RALGAPA2: variants seen among roughly 807,000 people sequenced by gnomAD.
RALGAPA2 encodes the protein Ral GTPase activating protein catalytic subunit alpha 2, also known as ral GTPase-activating protein subunit alpha-2.
RALGAPA2 carries 139 observed loss-of-function variants against 230.4 expected under a neutral mutation model. The ratio of observed to expected loss-of-function variants is 0.60; its 90% CI spans 0.53 to 0.69. The LOEUF (loss-of-function observed/expected upper bound fraction) is 0.69. Ranked by LOEUF, RALGAPA2 falls within the 30% of genes least tolerant of loss-of-function variation. The pLI is 0.00. For synonymous variants in RALGAPA2, 847 were observed against 837.8 expected, an observed-to-expected ratio of 1.01 and a Z score of -0.19; for missense variants, 2,163 against 2,276.0, an observed-to-expected ratio of 0.95 and a Z score of 1.01.
intron 37 of RALGAPA2, among the ~76,000 whole-genome samples, chr20:20,432,016 G>C (rs2060512792): frequency 6.6e-6 from 1 of 152,150 alleles, no homozygotes; most frequent in South Asian, 2.1e-4. Flanking sequence ...CAGTTAACTT[G>C]TAACTAATAA....
chr20:20,646,057 T>C (rs1355224204), intron 4 of RALGAPA2, among the ~76,000 whole-genome samples: 1 of 148,934 alleles, frequency 6.7e-6, no homozygotes, highest in Admixed American at 6.7e-5. Flanking sequence ...CTGTAGGGCT[T>C]TTTTTTTTTC....
At chr20:20,601,584 T>C in intron 16 of RALGAPA2, 98 bp downstream of exon 16, 2 of 1,195,858 alleles carry the variant, frequency 1.7e-6, no homozygotes, top group South Asian at 1.6e-5. Context: ...TAAGGTCTAA[T>C]ATTTAAATTT....
intron 37 of RALGAPA2, among the ~76,000 whole-genome samples, chr20:20,425,223 AC>A (rs2060356841): frequency 2.0e-5 from 3 of 152,208 alleles, no homozygotes. Context: ...CTTAATTGTT[AC>A]CTATAAACAA....
intron 4 of RALGAPA2, among the ~76,000 whole-genome samples, chr20:20,646,873 T>C: frequency 6.8e-6 from 1 of 147,750 alleles, no homozygotes; most frequent in Non-Finnish European, 1.5e-5. Context: ...AGGGTATACT[T>C]CTGTATGTGT....
chr20:20,703,874 A>G (rs550091532), intron 1 of RALGAPA2, among the ~76,000 whole-genome samples: 1 of 152,270 alleles, frequency 6.6e-6, no homozygotes, highest in Admixed American at 6.5e-5. Context: ...GGCACACAAC[A>G]TCTGTGCTAC....
intron 1 of RALGAPA2, among the ~76,000 whole-genome samples, chr20:20,691,609 A>T (rs6046992): frequency 0.076 from 11,566 of 152,152 alleles, 597 homozygotes; most frequent in East Asian, 0.16. Context: ...TCCCCGACAC[A>T]GTGCTAAGGA....
At chr20:20,491,945 T>C (rs1382170494) in intron 36 of RALGAPA2, among the ~76,000 whole-genome samples, 2 of 152,144 alleles carry the variant, frequency 1.3e-5, no homozygotes, top group South Asian at 2.1e-4. Context: ...TTCTTCAACA[T>C]ACCATTTCAC....
At chr20:20,543,764 A>C (rs1429238889) in intron 24 of RALGAPA2, among the ~76,000 whole-genome samples, 5 of 152,152 alleles carry the variant, frequency 3.3e-5, no homozygotes, top group Admixed American at 3.3e-4. Context: ...TAGCATTAGG[A>C]GATATATCTA....
intron 31 of RALGAPA2, among the ~76,000 whole-genome samples, 168 bp downstream of exon 31, chr20:20,520,749 G>A (rs1390195950): frequency 6.6e-6 from 1 of 151,844 alleles, no homozygotes; most frequent in Non-Finnish European, 1.5e-5. Context: ...GAAAACAGAG[G>A]AGAAAAAAAG....
At chr20:20,464,833 T>G (rs1361270540) in intron 37 of RALGAPA2, among the ~76,000 whole-genome samples, 1 of 152,170 alleles carries the variant, frequency 6.6e-6, no homozygotes, top group Non-Finnish European at 1.5e-5. Context: ...AACCAATTTT[T>G]CGGTAAAAAT....
intron 13 of RALGAPA2, among the ~76,000 whole-genome samples, chr20:20,615,484 GA>G (rs961560738): frequency 2.7e-5 from 4 of 149,398 alleles, no homozygotes; most frequent in Non-Finnish European, 5.9e-5. Context: ...ATAAGAGCAG[GA>G]AAAAAAAATC....
chr20:20,443,125 G>A (rs376656208), intron 37 of RALGAPA2, among the ~76,000 whole-genome samples: 7 of 152,294 alleles, frequency 4.6e-5, no homozygotes, highest in South Asian at 2.1e-4. Context: ...TAATATCCAC[G>A]TTTTCCTTAA....
chr20:20,621,205 A>G (rs1036935996), intron 10 of RALGAPA2, among the ~76,000 whole-genome samples: 1 of 152,206 alleles, frequency 6.6e-6, no homozygotes, highest in Admixed American at 6.5e-5. Flanking sequence ...GTCTATAAAA[A>G]TAACCAAATC....
At chr20:20,555,487 T>C (rs762314561) in intron 23 of RALGAPA2, among the ~76,000 whole-genome samples, 3 of 152,232 alleles carry the variant, frequency 2.0e-5, no homozygotes, top group Non-Finnish European at 4.4e-5. Context: ...AGGGATTGTA[T>C]GGAATCTACA....
intron 37 of RALGAPA2, among the ~76,000 whole-genome samples, chr20:20,458,881 C>CCTATATATATATATATATATATATAT (rs2061234947): frequency 7.8e-5 from 1 of 12,890 alleles, no homozygotes; most frequent in Admixed American, 8.7e-4. Context: ...TATATACACA[C>CCTATATATATATATATATATATATAT]ACACAAATAA....
At chr20:20,457,801 C>T (rs936611588) in intron 37 of RALGAPA2, among the ~76,000 whole-genome samples, 4 of 152,222 alleles carry the variant, frequency 2.6e-5, no homozygotes, top group African/African-American at 9.6e-5. Context: ...TGGGAACACA[C>T]AGCATGGGCA....
intron 3 of RALGAPA2, among the ~76,000 whole-genome samples, chr20:20,656,678 C>G (rs2067599056): frequency 6.6e-6 from 1 of 152,212 alleles, no homozygotes; most frequent in Non-Finnish European, 1.5e-5. Flanking sequence ...AGTAAAACAG[C>G]TCTCTACAGA....
chr20:20,708,962 G>A (rs941677045), intron 1 of RALGAPA2, among the ~76,000 whole-genome samples: 12 of 151,964 alleles, frequency 7.9e-5, no homozygotes, highest in Non-Finnish European at 1.6e-4. Context: ...TGGGAGGATC[G>A]TTTGAGTCTG....
At chr20:20,615,970 C>G (rs2066129521) in intron 13 of RALGAPA2, 73 bp downstream of exon 13, 1 of 1,146,674 alleles carries the variant, frequency 8.7e-7, no homozygotes, top group South Asian at 2.4e-5. Context: ...TAAATGCAAG[C>G]CTTAACATTT....
Sources: allele counts gnomAD v4.1 joint callset (sites outside exome capture counted in the v4.1 genomes callset), GRCh38; gene constraint gnomAD v4.1.1; transcripts MANE v1.5; gene names NCBI Gene and HGNC (gene_info 2026-07-23, HGNC 2026-07-21).